CTNNA2: variants seen among roughly 807,000 people sequenced by gnomAD.
CTNNA2 encodes the protein catenin alpha-2.
CTNNA2 carries 42 observed loss-of-function variants against 101.0 expected under a neutral mutation model. The observed-to-expected ratio is 0.42, with a 90% CI of 0.32 to 0.54. The LOEUF is 0.54. CTNNA2 is among the 20% of genes least tolerant of loss of function. The probability of loss-of-function intolerance (pLI) is 0.14; values close to 1 mark genes in which losing one functional copy is unlikely to be tolerated. For missense variants in CTNNA2, 871 were observed against 1,223.1 expected, an observed-to-expected ratio of 0.71 and a Z score of 4.29; for synonymous variants, 450 against 456.4, an observed-to-expected ratio of 0.99 and a Z score of 0.18.
At chr2:80,487,245 C>A (rs1185809267) in intron 9 of CTNNA2, among the ~76,000 whole-genome samples, 1 of 147,264 alleles carries the variant, frequency 6.8e-6, no homozygotes, top group African/African-American at 2.5e-5. Context: ...CACACCACTG[C>A]ACTCCAGCCT....
At chr2:79,721,407 A>G (rs1686480348) in intron 2 of CTNNA2, among the ~76,000 whole-genome samples, 1 of 152,146 alleles carries the variant, frequency 6.6e-6, no homozygotes. Context: ...TTACAAGGCC[A>G]CCAGTCCTAA....
At chr2:79,992,084 A>C (rs1166717933) in intron 7 of CTNNA2, among the ~76,000 whole-genome samples, 1 of 152,206 alleles carries the variant, frequency 6.6e-6, no homozygotes, top group African/African-American at 2.4e-5. Context: ...GCTAGAAATA[A>C]AAATTCAATG....
intron 3 of CTNNA2, among the ~76,000 whole-genome samples, chr2:79,782,922 T>C (rs983647118): frequency 1.3e-5 from 2 of 152,072 alleles, no homozygotes; most frequent in African/African-American, 4.8e-5. Context: ...CCATGTCATC[T>C]CTTTCATAAA....
intron 5 of CTNNA2, among the ~76,000 whole-genome samples, chr2:79,507,113 G>A (rs1032213046): frequency 2.6e-5 from 4 of 152,036 alleles, no homozygotes; most frequent in Non-Finnish European, 2.9e-5. Flanking sequence ...GACTAGTTTC[G>A]TGATTATGGG....
chr2:79,789,052 C>G (rs928243475), intron 3 of CTNNA2, among the ~76,000 whole-genome samples: 2 of 152,160 alleles, frequency 1.3e-5, no homozygotes, highest in African/African-American at 4.8e-5. Context: ...ATGAGCTCAG[C>G]ACTGCTTAGC....
intron 4 of CTNNA2, chr2:79,500,884 G>T (rs1671311895): frequency 6.6e-6 from 1 of 152,184 alleles, no homozygotes; most frequent in Non-Finnish European, 1.5e-5. Context: ...AGCTACCCTA[G>T]CAGGGAAGCA....
chr2:79,677,178 A>T (rs535543266), intron 2 of CTNNA2, among the ~76,000 whole-genome samples: 1 of 152,288 alleles, frequency 6.6e-6, no homozygotes, highest in South Asian at 2.1e-4. Context: ...ATTATACTCA[A>T]AGATTATCTG....
At chr2:79,709,069 G>A (rs1031290590) in intron 2 of CTNNA2, among the ~76,000 whole-genome samples, 7 of 152,132 alleles carry the variant, frequency 4.6e-5, no homozygotes, top group Non-Finnish European at 1.0e-4. Context: ...TGAAAAGTAA[G>A]ATAAATGTAT....
At chr2:79,905,026 CTG>C (rs1456784114) in intron 6 of CTNNA2, among the ~76,000 whole-genome samples, 3 of 152,162 alleles carry the variant, frequency 2.0e-5, no homozygotes, top group African/African-American at 4.8e-5. Flanking sequence ...ACTAGAGAGA[CTG>C]TTATAGCACC....
chr2:79,900,110 T>A lies in CTNNA2; in HGVS notation c.853-9484T>A, dbSNP rs1379993249. 2.0e-5 allele frequency among the ~76,000 whole-genome samples: 3 copies of A among 152,218 alleles called. No homozygotes were observed. The East Asian group carries it at 5.8e-4, about 29-fold the overall frequency. Reference sequence around the variant, plus strand: ...CAGAGTCCAGTCTTTAAAATAAGTATTTAAAGCATTCAGAGCCAGAATTAT... The same window carrying A: ...CAGAGTCCAGTCTTTAAAATAAGTAATTAAAGCATTCAGAGCCAGAATTAT... On this transcript the variant is annotated intron_variant, in intron 6 of 18. Coordinates refer to ENST00000402739, the MANE Select transcript of CTNNA2 (RefSeq NM_001282597.3).
At chr2:80,100,406 AG>A (rs1377391344) in intron 7 of CTNNA2, among the ~76,000 whole-genome samples, 6 of 152,234 alleles carry the variant, frequency 3.9e-5, no homozygotes, top group African/African-American at 1.4e-4. Flanking sequence ...CAGTAGTTTT[AG>A]TAGCCTTGAT....
At chr2:80,444,179 G>A (rs549444357) in intron 9 of CTNNA2, among the ~76,000 whole-genome samples, 11 of 152,126 alleles carry the variant, frequency 7.2e-5, no homozygotes, top group Non-Finnish European at 1.0e-4. Flanking sequence ...TGGATTCCAC[G>A]TCATCCAATC....
intron 1 of CTNNA2, among the ~76,000 whole-genome samples, chr2:79,603,614 T>C (rs546533509): frequency 6.6e-6 from 1 of 152,262 alleles, no homozygotes; most frequent in South Asian, 2.1e-4. Flanking sequence ...GCAACTGTCA[T>C]AGGAAATAAA....
intron 4 of CTNNA2, among the ~76,000 whole-genome samples, chr2:79,411,415 C>T (rs569606446): frequency 6.6e-6 from 1 of 152,000 alleles, no homozygotes; most frequent in East Asian, 1.9e-4. Flanking sequence ...TTGGATCTTT[C>T]CTGCTTTCTG....
chr2:80,188,562 T>C (rs541851124), intron 7 of CTNNA2, among the ~76,000 whole-genome samples: 1 of 152,302 alleles, frequency 6.6e-6, no homozygotes, highest in African/African-American at 2.4e-5. Context: ...CATTCCTTCT[T>C]GAGCCTCTAG....
At chr2:79,326,312 A>AC (rs1209409499) in intron 3 of CTNNA2, among the ~76,000 whole-genome samples, 1 of 109,784 alleles carries the variant, frequency 9.1e-6, no homozygotes, top group Non-Finnish European at 2.0e-5. Context: ...AAAAAAAAAA[A>AC]AACCAGACAT....
At chr2:79,721,476 A>G (rs1686486780) in intron 2 of CTNNA2, among the ~76,000 whole-genome samples, 1 of 152,292 alleles carries the variant, frequency 6.6e-6, no homozygotes, top group Admixed American at 6.5e-5. Context: ...TTTCCAATCA[A>G]CATATGAATT....
intron 4 of CTNNA2, among the ~76,000 whole-genome samples, chr2:79,418,969 A>G (rs946115647): frequency 6.6e-6 from 1 of 152,182 alleles, no homozygotes; most frequent in Non-Finnish European, 1.5e-5. Flanking sequence ...ACAATTAGGC[A>G]TACCATCCTA....
At chr2:80,446,444 T>A (rs1432639940) in intron 9 of CTNNA2, among the ~76,000 whole-genome samples, 1 of 152,230 alleles carries the variant, frequency 6.6e-6, no homozygotes, top group Non-Finnish European at 1.5e-5. Flanking sequence ...ATAGACTATA[T>A]GCTAGAATAT....
Sources: gnomAD v4.1 joint callset for allele counts (sites outside exome capture counted in the v4.1 genomes callset) on GRCh38, gnomAD v4.1.1 for gene constraint, MANE v1.5 for transcripts, NCBI Gene and HGNC (gene_info 2026-07-23, HGNC 2026-07-21) for gene names.